CTNNA1: variants seen among roughly 807,000 people sequenced by gnomAD.
CTNNA1 encodes catenin alpha 1.
In CTNNA1, 37 loss-of-function variants were observed where a neutral mutation model predicts 98.4. The observed-to-expected ratio is 0.38, with a 90% CI of 0.29 to 0.49. CTNNA1 has a LOEUF of 0.49. CTNNA1 is among the 20% of genes least tolerant of loss of function. The pLI is 0.95. For missense variants in CTNNA1, 761 were observed against 1,147.2 expected, an observed-to-expected ratio of 0.66 and a Z score of 4.86; for synonymous variants, 404 against 413.2, an observed-to-expected ratio of 0.98 and a Z score of 0.27.
chr5:138,889,527 G>A (rs1223249136), intron 9 of CTNNA1, among the ~76,000 whole-genome samples: 1 of 152,102 alleles, frequency 6.6e-6, no homozygotes, highest in Non-Finnish European at 1.5e-5. Context: ...CTGAAGCATT[G>A]AGTGGGCGAG....
chr5:138,921,389 A>G (rs1379868753), intron 11 of CTNNA1, among the ~76,000 whole-genome samples: 1 of 152,340 alleles, frequency 6.6e-6, no homozygotes, highest in Admixed American at 6.5e-5. Context: ...ATATATATGC[A>G]TTAAATGCTT....
At chr5:138,849,193 C>G (rs1299039552) in intron 7 of CTNNA1, among the ~76,000 whole-genome samples, 1 of 152,110 alleles carries the variant, frequency 6.6e-6, no homozygotes, top group African/African-American at 2.4e-5. Flanking sequence ...TTGAAGTAGA[C>G]TGTTTATTTG....
At chr5:138,861,000 C>T (rs759107427) in intron 7 of CTNNA1, among the ~76,000 whole-genome samples, 1 of 152,004 alleles carries the variant, frequency 6.6e-6, no homozygotes, top group Non-Finnish European at 1.5e-5. Context: ...AGAGAGGTAG[C>T]GCTGTCAAGG....
intron 10 of CTNNA1, among the ~76,000 whole-genome samples, chr5:138,912,593 T>C (rs1731087722): frequency 2.0e-5 from 3 of 152,192 alleles, no homozygotes; most frequent in Non-Finnish European, 4.4e-5. Flanking sequence ...TTTCCCTGTA[T>C]GATCAGAAAT....
chr5:138,798,369 A>G (rs1184938123), intron 3 of CTNNA1, among the ~76,000 whole-genome samples: 1 of 152,064 alleles, frequency 6.6e-6, no homozygotes, highest in Non-Finnish European at 1.5e-5. Flanking sequence ...CCAATACCTT[A>G]TTTCATCTAC....
At chr5:138,817,322 T>G (rs1374776658) in intron 5 of CTNNA1, among the ~76,000 whole-genome samples, 2 of 152,212 alleles carry the variant, frequency 1.3e-5, no homozygotes, top group Non-Finnish European at 2.9e-5. Context: ...CTTTAGAATT[T>G]TATCTTTGTC....
At chr5:138,908,898 C>T (rs887898145) in intron 10 of CTNNA1, among the ~76,000 whole-genome samples, 2 of 152,188 alleles carry the variant, frequency 1.3e-5, no homozygotes, top group South Asian at 2.1e-4. Flanking sequence ...CAAACTTTTA[C>T]GAGGAAGCAG....
intron 1 of CTNNA1, among the ~76,000 whole-genome samples, chr5:138,771,937 T>A (rs1439714491): frequency 2.6e-5 from 4 of 151,872 alleles, no homozygotes; most frequent in African/African-American, 9.7e-5. Flanking sequence ...AAAAAAAAAA[T>A]TGGCATTGAG....
At position 138,930,453 on chromosome 5, in the gene CTNNA1, C is replaced by G. The variant is rs1561773293; in HGVS notation, c.2011-20C>G. ...TTCATATTCTTTTTATGTAAGAGCT[C>G]TTTGTGCTTCTGATCACAGGCGATC... On this transcript the variant is annotated intron_variant, in intron 14 of 17. Coordinates refer to ENST00000302763, the MANE Select transcript of CTNNA1 (RefSeq NM_001903.5). 1 of 1,588,482 alleles carries G rather than the reference C, an allele frequency of 6.3e-7. No homozygotes were observed. Among genetic ancestry groups the G allele is most frequent in the South Asian group, 1.1e-5 (1 of 87,276 alleles).
At chr5:138,828,569 C>A (rs1760956438) in intron 7 of CTNNA1, among the ~76,000 whole-genome samples, 2 of 152,096 alleles carry the variant, frequency 1.3e-5, no homozygotes, top group Admixed American at 6.5e-5. Context: ...TATATGAAAT[C>A]ATTTTAAGGG....
chr5:138,776,385 C>T (rs1269690040), intron 1 of CTNNA1, among the ~76,000 whole-genome samples: 1 of 152,198 alleles, frequency 6.6e-6, no homozygotes, highest in Non-Finnish European at 1.5e-5. Flanking sequence ...AACAGGATCA[C>T]AAGGCAGAAT....
At chr5:138,867,747 C>CTTTTT (rs67829407) in intron 7 of CTNNA1, among the ~76,000 whole-genome samples, 1 of 144,114 alleles carries the variant, frequency 6.9e-6, no homozygotes. Context: ...TTCTTTCTTT[C>CTTTTT]TTTTTTTTTT....
At chr5:138,764,483 T>A (rs1000468863) in intron 1 of CTNNA1, among the ~76,000 whole-genome samples, 10 of 152,052 alleles carry the variant, frequency 6.6e-5, no homozygotes, top group East Asian at 1.9e-4. Flanking sequence ...TCTTTTTTTT[T>A]AATTTGAGAC....
At chr5:138,795,151 CAA>C (rs35532090) in intron 3 of CTNNA1, among the ~76,000 whole-genome samples, 1,619 of 81,566 alleles carry the variant, frequency 0.02, 13 homozygotes, top group Middle Eastern at 0.033. Flanking sequence ...GTGAGACTCT[CAA>C]AAAAAAAAAA....
Position 138,901,062 on chromosome 5 carries a change from C to T in CTNNA1, c.1297-3287C>T, listed in dbSNP as rs371842184. Among the ~76,000 whole-genome samples, 8 of 152,094 alleles carry T rather than the reference C, an allele frequency of 5.3e-5. No individual in the cohort carries two copies. The East Asian group carries it at 7.7e-4, about 15-fold the overall frequency. On this transcript the variant is annotated intron_variant, in intron 9 of 17. Transcript: ENST00000302763. ...TCCAGAGATACTTCTCACTGTTCTA[C>T]GAAGTCTTGGCTCTGCTGGGTTCTC... is the stretch of plus-strand genomic sequence containing the variant.
intron 4 of CTNNA1, among the ~76,000 whole-genome samples, chr5:138,811,026 A>G (rs1335802255): frequency 5.5e-5 from 8 of 144,522 alleles, no homozygotes; most frequent in Non-Finnish European, 1.2e-4. Context: ...GCTGACCCCC[A>G]CCTCCCTCCC....
At chr5:138,834,538 C>T (rs919880283) in intron 7 of CTNNA1, among the ~76,000 whole-genome samples, 4 of 152,104 alleles carry the variant, frequency 2.6e-5, no homozygotes, top group African/African-American at 9.7e-5. Flanking sequence ...GCAGTTTGAG[C>T]TCAGATCTGT....
chr5:138,873,715 G>A lies in CTNNA1; in HGVS notation c.1063-12497G>A. On this transcript the variant is annotated intron_variant, in intron 7 of 17. Coordinates refer to ENST00000302763, the MANE Select transcript of CTNNA1 (RefSeq NM_001903.5). This position sits in a 1 kb window ranked among gnomAD's most constrained non-coding sequence, Gnocchi z 6.1. ...TGTTTAACTTGTTGTTATCCATGAGGAGTATTTTAAGATTGGGCATCGTTT... is the reference window on the plus strand; with the variant it reads ...TGTTTAACTTGTTGTTATCCATGAGAAGTATTTTAAGATTGGGCATCGTTT... 6.2e-7 allele frequency: 1 copy of A among 1,613,996 alleles called. No homozygotes were observed. Among genetic ancestry groups the A allele is most frequent in the Non-Finnish European group, 8.5e-7 (1 of 1,179,874 alleles).
chr5:138,782,221 C>CT, intron 2 of CTNNA1, 192 bp downstream of exon 2: 1 of 643,992 alleles, frequency 1.6e-6, no homozygotes, highest in Non-Finnish European at 2.8e-6. Context: ...CTGTCGTTTT[C>CT]TTCAGTCTTA....
Sources: allele counts gnomAD v4.1 joint callset (sites outside exome capture counted in the v4.1 genomes callset), GRCh38; gene constraint gnomAD v4.1.1; non-coding constraint Gnocchi (gnomAD v3.1); transcripts MANE v1.5; gene names NCBI Gene and HGNC (gene_info 2026-07-23, HGNC 2026-07-21).